TFDP2: variants seen among roughly 807,000 people sequenced by gnomAD.
The protein encoded by TFDP2 is transcription factor Dp-2.
TFDP2 carries 17 observed loss-of-function variants against 59.3 expected under a neutral mutation model. The ratio of observed to expected loss-of-function variants is 0.29; its 90% CI spans 0.20 to 0.43. The LOEUF is 0.43. Among genes scored for constraint, TFDP2 ranks in the 20% least tolerant of loss-of-function variants. TFDP2 has a pLI of 1.00. For missense variants in TFDP2, 391 were observed against 528.8 expected (o/e 0.74, Z 2.56); for synonymous variants, 180 against 194.7 (o/e 0.92, Z 0.63).
rs1935892681 is a variant in TFDP2, at chr3:141,951,085, T to G, written c.*1428A>C. 1 of 152,126 alleles carries G rather than the reference T, an allele frequency of 6.6e-6. No individual in the cohort carries two copies. The highest frequency in any genetic ancestry group is 2.1e-4 in the South Asian group (1 of 4,826). 9.4% of individuals were successfully genotyped at this position (152,126 alleles called of 1,614,324 possible). On this transcript the variant is annotated 3_prime_UTR_variant, in exon 13 of 13. Transcript: ENST00000489671. ...GAGCCTGCACTTCCCCCATGGGATTTAAAAAAGAACCAATTTGGGCCATGC... is the reference window on the plus strand; with the variant it reads ...GAGCCTGCACTTCCCCCATGGGATTGAAAAAAGAACCAATTTGGGCCATGC...
intron 1 of TFDP2, among the ~76,000 whole-genome samples, chr3:142,139,042 G>A (rs147449993): frequency 2.3e-3 from 353 of 152,212 alleles, no homozygotes; most frequent in African/African-American, 8.1e-3. Flanking sequence ...TATGAATCTG[G>A]GTGCTCCTAT....
chr3:141,975,857 C>T (rs1412339885), intron 7 of TFDP2, among the ~76,000 whole-genome samples: 1 of 152,020 alleles, frequency 6.6e-6, no homozygotes, highest in African/African-American at 2.4e-5. Context: ...AAGGGTTCAG[C>T]ACAATCTATT....
intron 1 of TFDP2, among the ~76,000 whole-genome samples, chr3:142,148,267 G>T (rs768497435): frequency 6.6e-6 from 1 of 152,126 alleles, no homozygotes; most frequent in Non-Finnish European, 1.5e-5. Context: ...CTCTGAGATG[G>T]AATGAGGAAA....
chr3:142,145,016 G>A (rs1045092780), intron 1 of TFDP2, among the ~76,000 whole-genome samples: 4 of 152,164 alleles, frequency 2.6e-5, no homozygotes, highest in Admixed American at 2.0e-4. Flanking sequence ...AGGAGGAATG[G>A]AGAGAAATAG....
At chr3:141,959,128 AT>A (rs1225749487) in intron 11 of TFDP2, among the ~76,000 whole-genome samples, 1 of 151,004 alleles carries the variant, frequency 6.6e-6, no homozygotes, top group Non-Finnish European at 1.5e-5. Flanking sequence ...AATTTTTTGT[AT>A]TTTTTTAGTA....
At chr3:141,988,134 T>C (rs1052191811) in intron 6 of TFDP2, among the ~76,000 whole-genome samples, 5 of 151,932 alleles carry the variant, frequency 3.3e-5, no homozygotes, top group Non-Finnish European at 5.9e-5. Flanking sequence ...TTTCTAGAGA[T>C]GGTGTTTTGC....
At chr3:142,049,211 A>C (rs1296963548) in intron 3 of TFDP2, among the ~76,000 whole-genome samples, 8 of 152,212 alleles carry the variant, frequency 5.3e-5, no homozygotes, top group African/African-American at 1.9e-4. Flanking sequence ...GAACACTCAC[A>C]AAAATTCTAA....
At chr3:142,114,164 CAA>C (rs397964940) in intron 1 of TFDP2, among the ~76,000 whole-genome samples, 3 of 122,378 alleles carry the variant, frequency 2.5e-5, no homozygotes, top group Non-Finnish European at 1.8e-5. Flanking sequence ...GAATCCGTCT[CAA>C]AAAAAAAAAA....
At chr3:142,018,856 T>G (rs997375704) in intron 3 of TFDP2, among the ~76,000 whole-genome samples, 1 of 152,132 alleles carries the variant, frequency 6.6e-6, no homozygotes, top group African/African-American at 2.4e-5. Flanking sequence ...GGCTGAACAC[T>G]GAGCATCTTT....
Position 142,135,729 on chromosome 3 carries a change from T to A in TFDP2, c.-93+13454A>T, listed in dbSNP as rs566909309. ...TTCATCCATGTCCCTGCAAAGGACA[T>A]GAACTCATCCATTTTTATGGCTGCA... On this transcript the variant is annotated intron_variant, in intron 1 of 12. Transcript: ENST00000489671. Among the ~76,000 whole-genome samples the A allele has an allele frequency of 2.0e-5, 3 of 152,258 alleles. No individual in the cohort carries two copies. In the South Asian group the frequency reaches 6.2e-4, roughly 32 times the overall value.
At chr3:142,117,141 G>A (rs1388858446) in intron 1 of TFDP2, among the ~76,000 whole-genome samples, 1 of 151,984 alleles carries the variant, frequency 6.6e-6, no homozygotes, top group Admixed American at 6.6e-5. Context: ...AGCTGGTCTC[G>A]AACTCCTGAC....
intron 3 of TFDP2, among the ~76,000 whole-genome samples, chr3:142,083,922 A>G (rs1339576260): frequency 6.6e-6 from 1 of 152,206 alleles, no homozygotes; most frequent in Non-Finnish European, 1.5e-5. Flanking sequence ...CCTTGGGGAA[A>G]ATCTCCAGGA....
At chr3:142,122,836 T>C (rs894696181) in intron 1 of TFDP2, among the ~76,000 whole-genome samples, 1 of 152,156 alleles carries the variant, frequency 6.6e-6, no homozygotes, top group African/African-American at 2.4e-5. Context: ...AGAGTATAGT[T>C]AAATAGCTAT....
At chr3:142,030,718 A>G (rs932026913) in intron 3 of TFDP2, among the ~76,000 whole-genome samples, 1 of 149,364 alleles carries the variant, frequency 6.7e-6, no homozygotes, top group African/African-American at 2.5e-5. Context: ...ACATCCAAGT[A>G]CTCAAGTATA....
At chr3:141,952,719 C>T (rs752739366) in intron 12 of TFDP2, 23 bp from the exon 13 acceptor site, 42 of 1,606,912 alleles carry the variant, frequency 2.6e-5, no homozygotes, top group Non-Finnish European at 3.3e-5. Context: ...TAAAAACACA[C>T]AGGCTCATTA....
chr3:142,148,423 C>G lies in TFDP2; in HGVS notation c.-93+760G>C, dbSNP rs368232657. Among the ~76,000 whole-genome samples, 19 of 152,300 alleles carry G rather than the reference C, an allele frequency of 1.2e-4. 1 individual carries two copies. The highest frequency in any genetic ancestry group is 4.6e-4 in the African/African-American group (19 of 41,570). ...CCATGGCAGTCAATAATAAAAGTGC[C>G]TAACTAATGCAAGGCATTTAATACG... On this transcript the variant is annotated intron_variant, in intron 1 of 12. Transcript: ENST00000489671.
chr3:141,999,554 G>C (rs186454002), intron 4 of TFDP2, among the ~76,000 whole-genome samples: 39 of 152,224 alleles, frequency 2.6e-4, no homozygotes, highest in African/African-American at 8.7e-4. Context: ...AAAAGGGCAA[G>C]TATCTCAAAC....
chr3:141,960,231 A>C (rs1937192740), intron 10 of TFDP2, among the ~76,000 whole-genome samples: 1 of 152,210 alleles, frequency 6.6e-6, no homozygotes, highest in African/African-American at 2.4e-5. Flanking sequence ...GAGGAAAAAA[A>C]CATTTTGAAT....
chr3:142,129,901 A>G (rs934445130), intron 1 of TFDP2, among the ~76,000 whole-genome samples: 1 of 152,126 alleles, frequency 6.6e-6, no homozygotes, highest in African/African-American at 2.4e-5. Flanking sequence ...ACCACCTCAC[A>G]CTCATTAGGA....
Sources: gnomAD v4.1 joint callset for allele counts (sites outside exome capture counted in the v4.1 genomes callset) on GRCh38, gnomAD v4.1.1 for gene constraint, MANE v1.5 for transcripts, NCBI Gene and HGNC (gene_info 2026-07-23, HGNC 2026-07-21) for gene names.